The following TPTE variants were observed in gnomAD, a reference collection of about 807,000 sequenced individuals.
TPTE encodes transmembrane phosphatase with tensin homology.
A neutral mutation model predicts 84.1 loss-of-function variants in TPTE; 59 were observed. The observed-to-expected ratio is 0.70, with a 90% confidence interval of 0.57 to 0.87. The LOEUF (loss-of-function observed/expected upper bound fraction) is 0.87, where lower values mean the gene tolerates loss of function less well. TPTE is among the 40% of genes least tolerant of loss of function. The pLI is 0.00. For synonymous variants in TPTE, 130 were observed against 223.5 expected (o/e 0.58, Z 3.73); for missense variants, 382 against 659.6 (o/e 0.58, Z 4.61).
intron 10 of TPTE, among the ~76,000 whole-genome samples, chr21:10,563,951 A>G (rs1485707065): frequency 6.6e-6 from 1 of 152,312 alleles, no homozygotes; most frequent in Non-Finnish European, 1.5e-5. Context: ...GTCAAGAGCT[A>G]CAGACCATCC....
chr21:10,554,469 A>G (rs212108), intron 8 of TPTE, among the ~76,000 whole-genome samples: 31,930 of 145,432 alleles, frequency 0.22, 66 homozygotes, highest in African/African-American at 0.47. Context: ...GCCATCATTG[A>G]TTTCTCTGAT....
intron 19 of TPTE, among the ~76,000 whole-genome samples, chr21:10,593,973 C>A (rs1836110614): frequency 6.6e-6 from 1 of 152,310 alleles, no homozygotes; most frequent in Admixed American, 6.5e-5. Flanking sequence ...CAAAACAAAA[C>A]AAAACAAAGA....
At chr21:10,566,703 G>A (rs1279626111) in intron 10 of TPTE, among the ~76,000 whole-genome samples, 2 of 152,302 alleles carry the variant, frequency 1.3e-5, no homozygotes, top group Non-Finnish European at 2.9e-5. Flanking sequence ...CCGGCCAAGT[G>A]CACTGGCTCA....
At chr21:10,563,197 C>A (rs929123499) in intron 10 of TPTE, among the ~76,000 whole-genome samples, 1 of 152,302 alleles carries the variant, frequency 6.6e-6, no homozygotes, top group Non-Finnish European at 1.5e-5. Context: ...AAAGACTTTT[C>A]CACACAAAAG....
At chr21:10,588,952 T>C (rs962171976) in intron 17 of TPTE, among the ~76,000 whole-genome samples, 2 of 152,290 alleles carry the variant, frequency 1.3e-5, no homozygotes, top group African/African-American at 2.4e-5. Flanking sequence ...TGAATCTCAT[T>C]GAGCTTCCTT....
intron 7 of TPTE, among the ~76,000 whole-genome samples, chr21:10,552,045 C>A (rs1474750647): frequency 6.6e-6 from 1 of 152,310 alleles, no homozygotes; most frequent in Non-Finnish European, 1.5e-5. Flanking sequence ...GCCACTCTGA[C>A]CATTGGCAAC....
intron 8 of TPTE, among the ~76,000 whole-genome samples, chr21:10,557,091 T>C (rs28446794): frequency 0.018 from 2,744 of 151,180 alleles, no homozygotes; most frequent in Non-Finnish European, 0.02. Context: ...CCATTGCTTT[T>C]GTTCACCTGC....
At chr21:10,592,421 A>G in intron 19 of TPTE, 48 bp downstream of exon 19, 1 of 1,599,348 alleles carries the variant, frequency 6.3e-7, no homozygotes. Context: ...GTGTGGGTTC[A>G]GATTGCCACC....
chr21:10,560,920 ATAAT>A (rs1222650926), intron 9 of TPTE, 106 bp from the exon 10 acceptor site: 1 of 1,365,038 alleles, frequency 7.3e-7, no homozygotes, highest in Non-Finnish European at 9.8e-7. Flanking sequence ...TTAATACTAA[ATAAT>A]AACATTTTGG....
At chr21:10,539,003 T>C (rs2074318882) in intron 4 of TPTE, among the ~76,000 whole-genome samples, 1 of 152,308 alleles carries the variant, frequency 6.6e-6, no homozygotes, top group African/African-American at 2.4e-5. Context: ...ATTCTTCTCC[T>C]AGTAGCCTTT....
chr21:10,588,687 G>T (rs534062378), intron 17 of TPTE, among the ~76,000 whole-genome samples: 1 of 152,424 alleles, frequency 6.6e-6, no homozygotes, highest in East Asian at 1.9e-4. Flanking sequence ...TCATATTTCT[G>T]ACTTTCTTCA....
intron 19 of TPTE, among the ~76,000 whole-genome samples, chr21:10,594,663 C>G (rs1488007941): frequency 6.6e-6 from 1 of 152,308 alleles, no homozygotes; most frequent in South Asian, 2.1e-4. Flanking sequence ...CCACACATCT[C>G]CCCATCCCCA....
chr21:10,596,613 TGGGAAAGCAGGATGTGTCTGTGTGGAA>T (rs1390060702), intron 20 of TPTE, among the ~76,000 whole-genome samples: 2 of 150,488 alleles, frequency 1.3e-5, no homozygotes, highest in Non-Finnish European at 3.0e-5. Flanking sequence ...TCAGGGGAGG[TGGGAAAGCAGGATGTGTCTGTGTGGAA>T]GGGATGGGGC....
intron 6 of TPTE, 62 bp downstream of exon 6, chr21:10,542,510 A>G (rs1600871696): frequency 3.1e-6 from 5 of 1,589,098 alleles, no homozygotes; most frequent in South Asian, 1.1e-5. Context: ...ATACACACAC[A>G]GGCACATGAG....
intron 11 of TPTE, among the ~76,000 whole-genome samples, chr21:10,568,852 A>T (rs201850307): frequency 3.8e-3 from 582 of 151,240 alleles, no homozygotes; most frequent in Admixed American, 0.025. Context: ...GCACTAGTCC[A>T]GACCATCAGT....
intron 7 of TPTE, among the ~76,000 whole-genome samples, chr21:10,544,824 A>T (rs898956546): frequency 1.3e-5 from 2 of 152,428 alleles, no homozygotes; most frequent in Admixed American, 1.3e-4. Flanking sequence ...GTGTTTACAA[A>T]CTGAAGTTGA....
intron 18 of TPTE, among the ~76,000 whole-genome samples, chr21:10,591,175 C>T (rs1422147503): frequency 2.0e-5 from 3 of 152,308 alleles, no homozygotes; most frequent in Non-Finnish European, 2.9e-5. Context: ...AGTCTGTGAC[C>T]TCTAAAAATT....
intron 3 of TPTE, among the ~76,000 whole-genome samples, chr21:10,534,927 G>T (rs987738974): frequency 6.6e-6 from 1 of 152,306 alleles, no homozygotes; most frequent in Non-Finnish European, 1.5e-5. Context: ...TTAGTTTCTA[G>T]GGCTGCTTTA....
At chr21:10,581,909 A>T (rs1407493783) in intron 17 of TPTE, among the ~76,000 whole-genome samples, 10 of 152,238 alleles carry the variant, frequency 6.6e-5, no homozygotes, top group African/African-American at 2.4e-4. Flanking sequence ...TAATTTTTGT[A>T]TTTTTTATAG....
Sources: allele counts gnomAD v4.1 joint callset (sites outside exome capture counted in the v4.1 genomes callset), GRCh38; gene constraint gnomAD v4.1.1; transcripts MANE v1.5; gene names NCBI Gene and HGNC (gene_info 2026-07-23, HGNC 2026-07-21).